Variants in ITPR3 observed in about 807,000 individuals in gnomAD.
ITPR3 encodes inositol 1,4,5-trisphosphate receptor type 3.
ITPR3 carries 173 observed loss-of-function variants against 293.2 expected under a neutral mutation model. That is an observed-to-expected ratio of 0.59 (90% CI 0.52 to 0.67). ITPR3 has a LOEUF of 0.67. Ranked by LOEUF, ITPR3 falls within the 30% of genes least tolerant of loss-of-function variation. The pLI is 0.00. For synonymous variants in ITPR3, 1,295 were observed against 1,444.4 expected (o/e 0.90, Z 2.35); for missense variants, 2,796 against 3,592.1 (o/e 0.78, Z 5.66).
At position 33,695,932 on chromosome 6, in the gene ITPR3, G is replaced by A; in HGVS notation, c.*152G>A. On this transcript the variant is annotated 3_prime_UTR_variant, in exon 58 of 58. Transcript: ENST00000605930. Reference sequence around the variant, plus strand: ...ACACCCTGACACCCACCCAGGCTTTGAAGAGCATGGAGGGGGAGCCTCAGA... The same window carrying A: ...ACACCCTGACACCCACCCAGGCTTTAAAGAGCATGGAGGGGGAGCCTCAGA... 1.5e-6 allele frequency: 1 copy of A among 674,132 alleles called. No individual in the cohort carries two copies. The highest frequency in any genetic ancestry group is 2.7e-5 in the East Asian group (1 of 36,720). The allele number at this position is 674,132 out of a possible 1,614,324, so 41.8% of individuals were successfully genotyped here. A position where few individuals can be genotyped will look rare whatever the true frequency, so the allele number is the denominator to read the frequency against.
In ITPR3 at chr6:33,690,109, G is replaced by A. The variant is rs1410132873; in HGVS notation, c.6943G>A (p.Val2315Ile). 1.2e-6 allele frequency: 2 copies of A among 1,614,192 alleles called. No individual in the cohort carries two copies. The highest frequency in any genetic ancestry group is 1.7e-6 in the Non-Finnish European group (2 of 1,180,036). ...CTTCATCCGGGGCTATAAGGCCATG[G>A]TCATGGACATGGAATTCCTCTACCA... ...GTFIRGYKAM[V>I]MDMEFLYHVG... The change falls in exon 51 of 58, where the codon GTC becomes ATC. Residue 2315 changes from valine to isoleucine, a missense_variant. This residue lies in a region of ITPR3 where 568 missense variants were observed against 796.1 expected (regional missense o/e 0.71). Coordinates refer to ENST00000605930, the MANE Select transcript of ITPR3 (RefSeq NM_002224.4).
intron 1 of ITPR3, among the ~76,000 whole-genome samples, chr6:33,637,651 C>T (rs1276758136): frequency 2.0e-5 from 3 of 147,760 alleles, no homozygotes; most frequent in African/African-American, 5.0e-5. Flanking sequence ...TTTTTTTAGA[C>T]GGAGTTTTGC....
chr6:33,673,511 C>T (rs1233647461), intron 22 of ITPR3, 80 bp from the exon 23 acceptor site: 2 of 1,566,604 alleles, frequency 1.3e-6, no homozygotes, highest in Non-Finnish European at 8.7e-7. Context: ...TGCCCCCTGC[C>T]CCCCATAAAG....
At position 33,686,266 on chromosome 6, in the gene ITPR3, G is replaced by A; in HGVS notation, c.5868+13G>A. ...CCATGAGAACCAGGTGAGCTGTCCTGGTGGCATAAGTGGCAGCCAGGGTGG... is the reference window on the plus strand; with the variant it reads ...CCATGAGAACCAGGTGAGCTGTCCTAGTGGCATAAGTGGCAGCCAGGGTGG... On this transcript the variant is annotated intron_variant, in intron 42 of 57. Coordinates refer to ENST00000605930, the MANE Select transcript of ITPR3 (RefSeq NM_002224.4). 1 of 1,611,856 alleles carries A rather than the reference G, an allele frequency of 6.2e-7. No homozygotes were observed. The highest frequency in any genetic ancestry group is 8.5e-7 in the Non-Finnish European group (1 of 1,178,788).
intron 3 of ITPR3, among the ~76,000 whole-genome samples, chr6:33,657,064 C>T (rs1055673272): frequency 4.6e-5 from 7 of 152,202 alleles, no homozygotes; most frequent in South Asian, 2.1e-4. Flanking sequence ...TAATCAGAAC[C>T]GCAAGCGGTC....
In ITPR3 at chr6:33,684,554, G is replaced by A. The variant is rs766538053; in HGVS notation, c.5047-44G>A. 2 of 1,608,204 alleles carry A rather than the reference G, an allele frequency of 1.2e-6. No homozygotes were observed. Among genetic ancestry groups the A allele is most frequent in the East Asian group, 4.5e-5 (2 of 44,852 alleles). ...AAGCCCGTCAGGCCAGTGGTCAGTG[G>A]TGGGCTGTACCCACAATGGGGCCTC... is the stretch of plus-strand genomic sequence containing the variant. On this transcript the variant is annotated intron_variant, in intron 37 of 57. Coordinates refer to ENST00000605930, the MANE Select transcript of ITPR3 (RefSeq NM_002224.4). This position sits in a 1 kb window ranked among gnomAD's most constrained non-coding sequence, Gnocchi z 4.2.
Position 33,696,018 on chromosome 6 carries a change from C to A in ITPR3, c.*238C>A. The A allele has an allele frequency of 1.8e-6, 1 of 551,596 alleles. No individual in the cohort carries two copies. Among genetic ancestry groups the A allele is most frequent in the South Asian group, 2.3e-5 (1 of 43,330 alleles). 34.2% of individuals were successfully genotyped at this position (551,596 alleles called of 1,614,324 possible). ...GAAAGTTCACTGGGACTCAGTTTAC[C>A]TTAATGCCTTAGCAGAAGATAAATC... On this transcript the variant is annotated 3_prime_UTR_variant, in exon 58 of 58. Coordinates refer to ENST00000605930, the MANE Select transcript of ITPR3 (RefSeq NM_002224.4).
chr6:33,647,855 G>T (rs9469539), intron 2 of ITPR3, among the ~76,000 whole-genome samples: 3,213 of 152,098 alleles, frequency 0.021, 114 homozygotes, highest in African/African-American at 0.07. Flanking sequence ...GTAAGAGCAG[G>T]TGCGCTCCGA....
At position 33,667,348 on chromosome 6, in the gene ITPR3, A is replaced by G. The variant is rs2127277504; in HGVS notation, c.1713+58A>G. 1 of 1,560,632 alleles carries G rather than the reference A, an allele frequency of 6.4e-7. No individual in the cohort carries two copies. The highest frequency in any genetic ancestry group is 2.4e-5 in the East Asian group (1 of 42,412). ...CTGCACGTTCCTTCCTCAGCAAGCGATTTCCTCAGGCACATGTGCTGTGCC... is the reference window on the plus strand; with the variant it reads ...CTGCACGTTCCTTCCTCAGCAAGCGGTTTCCTCAGGCACATGTGCTGTGCC... On this transcript the variant is annotated intron_variant, in intron 15 of 57. Coordinates refer to ENST00000605930, the MANE Select transcript of ITPR3 (RefSeq NM_002224.4). The surrounding 1 kb of genome is among the most constrained non-coding windows in gnomAD (Gnocchi z 4.4).
At chr6:33,677,739 C>A in intron 28 of ITPR3, 110 bp downstream of exon 28, 1 of 1,303,254 alleles carries the variant, frequency 7.7e-7, no homozygotes. Context: ...CTCGCCTGGC[C>A]TCTTACACTG....
At chr6:33,671,939 T>C (rs1443110136) in intron 21 of ITPR3, 90 bp from the exon 22 acceptor site, 3 of 1,231,062 alleles carry the variant, frequency 2.4e-6, no homozygotes, top group Non-Finnish European at 3.4e-6. Flanking sequence ...AAACAGATTA[T>C]GCATCCTCTG....
chr6:33,626,039 A>C (rs546079800), intron 1 of ITPR3, among the ~76,000 whole-genome samples: 4 of 152,120 alleles, frequency 2.6e-5, no homozygotes, highest in Admixed American at 6.5e-5. Flanking sequence ...GGCTCAAGCA[A>C]TCCTTACAAC....
rs567926659 is a variant in ITPR3 at position 33,691,246 on chromosome 6, T to C, written c.7225+137T>C. 7.4e-5 allele frequency: 59 copies of C among 798,360 alleles called. No individual in the cohort carries two copies. The African/African-American group carries it at 9.1e-4, about 12-fold the overall frequency. 49.5% of individuals were successfully genotyped at this position (798,360 alleles called of 1,614,324 possible). On this transcript the variant is annotated intron_variant, in intron 52 of 57. Transcript: ENST00000605930. This position sits in a 1 kb window ranked among gnomAD's most constrained non-coding sequence, Gnocchi z 4.9. ...CTTCTCCTCTTGGCTTCTGGGGACG[T>C]CTAGCTAACACCAGTCTGCCTCGCT...
Position 33,680,769 on chromosome 6 carries a change from G to A in ITPR3, c.4476+89G>A, listed in dbSNP as rs1031683729. On this transcript the variant is annotated intron_variant, in intron 33 of 57. Transcript: ENST00000605930. ...GAAATAAGAATACATATTTATATTT[G>A]CTTATAGTACAGAAAGAAGTAACAA... The A allele has an allele frequency of 2.5e-5, 36 of 1,456,502 alleles. 1 individual carries two copies. In the Admixed American group the frequency reaches 3.4e-4, roughly 14 times the overall value. 90.2% of individuals were successfully genotyped at this position (1,456,502 alleles called of 1,614,324 possible). A position where few individuals can be genotyped will look rare whatever the true frequency, so the allele number is the denominator to read the frequency against.
intron 50 of ITPR3, 84 bp from the exon 51 acceptor site, chr6:33,689,950 T>C: frequency 2.6e-6 from 4 of 1,519,166 alleles, no homozygotes; most frequent in Non-Finnish European, 3.6e-6. Flanking sequence ...CCTCCCAGGC[T>C]CTGAGCTGGG....
At chr6:33,653,216 AT>A (rs1219783217) in intron 2 of ITPR3, among the ~76,000 whole-genome samples, 1 of 146,610 alleles carries the variant, frequency 6.8e-6, no homozygotes, top group Non-Finnish European at 1.5e-5. Context: ...CTAATTTTTT[AT>A]TTTTTTAAAT....
In ITPR3 at chr6:33,684,950, G is replaced by A. The variant is rs1190806652; in HGVS notation, c.5307+7G>A. The A allele has an allele frequency of 1.3e-6, 2 of 1,599,292 alleles. No homozygotes were observed. The highest frequency in any genetic ancestry group is 1.7e-6 in the Non-Finnish European group (2 of 1,170,882). Reference sequence around the variant, plus strand: ...TGGCAACACAGAGATCCAGGTGTGGGGGGCCTGGGGCCTGGACATGCCCTC... The same window carrying A: ...TGGCAACACAGAGATCCAGGTGTGGAGGGCCTGGGGCCTGGACATGCCCTC... On this transcript the variant is annotated splice_region_variant and intron_variant, in intron 39 of 57. Transcript: ENST00000605930. The surrounding 1 kb of genome is among the most constrained non-coding windows in gnomAD (Gnocchi z 4.2).
In ITPR3 at chr6:33,692,046, C is replaced by G. The variant is rs1024786801; in HGVS notation, c.7458+118C>G. On this transcript the variant is annotated intron_variant, in intron 54 of 57. Transcript: ENST00000605930. This position sits in a 1 kb window ranked among gnomAD's most constrained non-coding sequence, Gnocchi z 4.2. ...ATATTCAGGGTTGAACCCCCTCCCC[C>G]GAACTTGTATCCACTTTTCCCTGCT... is the stretch of plus-strand genomic sequence containing the variant. 19 of 1,361,174 alleles carry G rather than the reference C, an allele frequency of 1.4e-5. 1 individual carries two copies. The South Asian group carries it at 1.5e-4, about 11-fold the overall frequency. 84.3% of individuals were successfully genotyped at this position (1,361,174 alleles called of 1,614,324 possible). A position where few individuals can be genotyped will look rare whatever the true frequency, so the allele number is the denominator to read the frequency against.
chr6:33,635,556 CA>C (rs1360217894), intron 1 of ITPR3, among the ~76,000 whole-genome samples: 1 of 152,124 alleles, frequency 6.6e-6, no homozygotes, highest in African/African-American at 2.4e-5. Flanking sequence ...GGATAGTAAA[CA>C]AAATAAGTAA....
Sources: gnomAD v4.1 joint callset for allele counts (sites outside exome capture counted in the v4.1 genomes callset) on GRCh38, gnomAD v4.1.1 for gene constraint, gnomAD v4.1.1 regional missense constraint, Gnocchi (gnomAD v3.1) non-coding constraint, MANE v1.5 for transcripts, NCBI Gene and HGNC (gene_info 2026-07-23, HGNC 2026-07-21) for gene names.